Variants in WNK2 observed in about 807,000 individuals in gnomAD.
WNK2 encodes serine/threonine-protein kinase WNK2.
A neutral mutation model predicts 192.1 loss-of-function variants in WNK2; 67 were observed. That is an observed-to-expected ratio of 0.35 (90% CI 0.29 to 0.43). The LOEUF (loss-of-function observed/expected upper bound fraction) is 0.43. WNK2 is among the 20% of genes least tolerant of loss of function. The pLI is 1.00. For synonymous variants in WNK2, 1,439 were observed against 1,393.9 expected, an observed-to-expected ratio of 1.03 and a Z score of -0.72; for missense variants, 2,698 against 3,089.7, an observed-to-expected ratio of 0.87 and a Z score of 3.01.
chr9:93,289,398 C>T lies in WNK2; in HGVS notation c.4644C>T (p.Thr1548=), dbSNP rs1380066273. 6.2e-7 allele frequency: 1 copy of T among 1,612,846 alleles called. No homozygotes were observed. Among genetic ancestry groups the T allele is most frequent in the Non-Finnish European group, 8.5e-7 (1 of 1,179,760 alleles). Reference sequence around the variant, plus strand: ...CCAGGGTGGGCTTTGTGGACAGCACCATCAAGAGCCTGGACGAGAAGCTGC... The same window carrying T: ...CCAGGGTGGGCTTTGTGGACAGCACTATCAAGAGCCTGGACGAGAAGCTGC... ...PPPRVGFVDS[T]IKSLDEKLRT... The change falls in exon 20 of 30, where the codon ACC becomes ACT. Residue 1548 remains threonine, a synonymous_variant. Coordinates refer to ENST00000427277, the MANE Select transcript of WNK2 (RefSeq NM_006648.4).
Position 93,259,221 on chromosome 9 carries a change from A to C in WNK2, c.2673A>C (p.Pro891=). The C allele has an allele frequency of 6.2e-7, 1 of 1,611,768 alleles. No individual in the cohort carries two copies. The highest frequency in any genetic ancestry group is 8.5e-7 in the Non-Finnish European group (1 of 1,179,486). Residue 891 remains proline (P), a synonymous_variant, in exon 12 of 30, where the codon CCA becomes CCC. Coordinates refer to ENST00000427277, the MANE Select transcript of WNK2 (RefSeq NM_006648.4). This position sits in a 1 kb window ranked among gnomAD's most constrained non-coding sequence, Gnocchi z 4.8. The stretch of plus-strand genomic sequence containing the variant: ...CTATCCCCCTGCTGGCCGTAGCCCC[A>C]CCGGGCGTGGCTGCCCTGTCCATTC... ...PATIPLLAVA[P]PGVAALSIHS...
rs574524490 is a variant in WNK2, at chr9:93,231,691, C to T, written c.1075+583C>T. On this transcript the variant is annotated intron_variant, in intron 4 of 29. Coordinates refer to ENST00000427277, the MANE Select transcript of WNK2 (RefSeq NM_006648.4). ...CGTTGTGCACAGGATAGGAGCAGGG[C>T]GCCAAGGAATTAATTCAGCTTCTTG... Among the ~76,000 whole-genome samples the T allele has an allele frequency of 5.9e-5, 9 of 152,338 alleles. No homozygotes were observed. The South Asian group carries it at 8.3e-4, about 14-fold the overall frequency.
At chr9:93,246,981 G>A (rs562446514) in intron 7 of WNK2, among the ~76,000 whole-genome samples, 4 of 152,226 alleles carry the variant, frequency 2.6e-5, no homozygotes, top group East Asian at 3.9e-4. Context: ...GGAGACCTTC[G>A]GGCTCTCTTA....
chr9:93,185,142 G>C lies in WNK2; in HGVS notation c.213G>C (p.Leu71=), dbSNP rs1404350753. 3 of 1,299,232 alleles carry C rather than the reference G, an allele frequency of 2.3e-6. No individual in the cohort carries two copies. The highest frequency in any genetic ancestry group is 2.9e-6 in the Non-Finnish European group (3 of 1,017,372). The allele number at this position is 1,299,232 out of a possible 1,614,324, so 80.5% of individuals were successfully genotyped here. The part of the protein sequence containing the change: ...EAPGPQPPQP[L]QRRVLLLCKT... ...CGGGCCCGCAGCCCCCGCAGCCCCT[G>C]CAGCGCCGGGTGCTTCTGCTCTGCA... The change falls in exon 2 of 30, where the codon CTG becomes CTC. Residue 71 remains leucine (L), a synonymous_variant. Transcript: ENST00000427277.
chr9:93,306,865 G>A, intron 27 of WNK2, 44 bp downstream of exon 27: 2 of 1,613,492 alleles, frequency 1.2e-6, no homozygotes, highest in Non-Finnish European at 1.7e-6. Flanking sequence ...CTCATCGCAT[G>A]GGCTTTCTCG....
intron 16 of WNK2, among the ~76,000 whole-genome samples, chr9:93,265,273 GA>G (rs1844974093): frequency 6.6e-6 from 1 of 152,200 alleles, no homozygotes; most frequent in Non-Finnish European, 1.5e-5. Flanking sequence ...TGGGTGGCTG[GA>G]AAATAGCTAA....
chr9:93,215,389 C>A (rs527828952), intron 2 of WNK2, among the ~76,000 whole-genome samples: 1 of 152,060 alleles, frequency 6.6e-6, no homozygotes, highest in Non-Finnish European at 1.5e-5. Context: ...GGATTACAGG[C>A]GCATGAGCCA....
At chr9:93,278,462 C>T (rs1847266115) in intron 19 of WNK2, among the ~76,000 whole-genome samples, 1 of 152,182 alleles carries the variant, frequency 6.6e-6, no homozygotes, top group African/African-American at 2.4e-5. Context: ...CCTTATAATT[C>T]AAGGGGTTTT....
At chr9:93,270,470 TGAGTACTTGG>T (rs1845853971) in intron 19 of WNK2, among the ~76,000 whole-genome samples, 1 of 152,252 alleles carries the variant, frequency 6.6e-6, no homozygotes, top group South Asian at 2.1e-4. Context: ...CACAGCTGTC[TGAGTACTTGG>T]GAAAATTTTA....
intron 2 of WNK2, among the ~76,000 whole-genome samples, chr9:93,224,910 T>C (rs1436576373): frequency 1.3e-5 from 2 of 152,190 alleles, no homozygotes; most frequent in Non-Finnish European, 2.9e-5. Flanking sequence ...TGCCCTGGCT[T>C]GTTGACTGTG....
chr9:93,230,820 G>GT, intron 3 of WNK2, 68 bp from the exon 4 acceptor site: 1 of 1,420,286 alleles, frequency 7.0e-7, no homozygotes, highest in South Asian at 1.2e-5. Context: ...GCAGTGTTAG[G>GT]TGGGGGCTTT....
At chr9:93,256,896 G>A (rs575272537) in intron 10 of WNK2, 52 bp from the exon 11 acceptor site, 5 of 1,482,846 alleles carry the variant, frequency 3.4e-6, no homozygotes, top group South Asian at 2.6e-5. Flanking sequence ...AGTGGGGTGC[G>A]CTTGTCTGGG....
chr9:93,211,519 C>G (rs1190639743), intron 2 of WNK2, among the ~76,000 whole-genome samples: 2 of 148,474 alleles, frequency 1.3e-5, no homozygotes, highest in Admixed American at 1.3e-4. Flanking sequence ...TCCACTCACT[C>G]ATACATTCAC....
chr9:93,196,864 T>C (rs533080306), intron 2 of WNK2, among the ~76,000 whole-genome samples: 1 of 152,250 alleles, frequency 6.6e-6, no homozygotes, highest in African/African-American at 2.4e-5. Flanking sequence ...AGACTGTCAG[T>C]GTCTGTGTGT....
chr9:93,211,108 A>C (rs866719460), intron 2 of WNK2, among the ~76,000 whole-genome samples: 3 of 151,390 alleles, frequency 2.0e-5, no homozygotes, highest in Non-Finnish European at 4.4e-5. Context: ...TCACTCATCC[A>C]CTCACTCACT....
rs528559797 is a variant in WNK2, at chr9:93,259,535, C to T, written c.2987C>T (p.Pro996Leu). ...CCACAACCTGTGCTGCCCCCGCAGC[C>T]GGCACTGCCTGTGCGCCCTGAGCCC... ...LPPQPVLPPQPALPVRPEPLQ... is the reference protein window; with the variant it reads ...LPPQPVLPPQLALPVRPEPLQ... The change falls in exon 12 of 30, where the codon CCG becomes CTG. Residue 996 changes from proline (P) to leucine (L), a missense_variant. Physicochemically the swap from Pro to Leu is moderately conservative, Grantham distance 98. Transcript: ENST00000427277. This position sits in a 1 kb window ranked among gnomAD's most constrained non-coding sequence, Gnocchi z 4.8. 6.2e-5 allele frequency: 99 copies of T among 1,593,074 alleles called. No individual in the cohort carries two copies. The East Asian group carries it at 7.6e-4, about 12-fold the overall frequency.
chr9:93,193,053 G>A (rs548217286), intron 2 of WNK2, among the ~76,000 whole-genome samples: 10 of 152,364 alleles, frequency 6.6e-5, no homozygotes, highest in African/African-American at 2.4e-4. Flanking sequence ...AGGGGTTTGG[G>A]CCGTGTGTCT....
In WNK2 at chr9:93,279,710, CAGAT is replaced by C. The variant is rs548152170; in HGVS notation, c.4034-9073_4034-9070del. ...AATGTGGTATTGATGCAAAGACAGA[CAGAT>C]AGATCAACAAAATGAAATAGTCTGG... On this transcript the variant is annotated intron_variant, in intron 19 of 29. Coordinates refer to ENST00000427277, the MANE Select transcript of WNK2 (RefSeq NM_006648.4). Among the ~76,000 whole-genome samples, 246 of 152,224 alleles carry C rather than the reference CAGAT, an allele frequency of 1.6e-3. 2 individuals carry two copies. The highest frequency in any genetic ancestry group is 4.7e-3 in the African/African-American group (194 of 41,540).
chr9:93,302,925 CT>C (rs34834891), intron 26 of WNK2, among the ~76,000 whole-genome samples: 11 of 148,006 alleles, frequency 7.4e-5, no homozygotes, highest in African/African-American at 9.9e-5. Context: ...AGCAGTCTCC[CT>C]TTTTTTTTTT....
Sources: allele counts gnomAD v4.1 joint callset (sites outside exome capture counted in the v4.1 genomes callset), GRCh38; gene constraint gnomAD v4.1.1; non-coding constraint Gnocchi (gnomAD v3.1); transcripts MANE v1.5; gene names NCBI Gene and HGNC (gene_info 2026-07-23, HGNC 2026-07-21).